PTH1R: variants seen among roughly 807,000 people sequenced by gnomAD.
PTH1R encodes the protein parathyroid hormone/parathyroid hormone-related peptide receptor.
In PTH1R, 32 loss-of-function variants were observed where a neutral mutation model predicts 70.7. The observed-to-expected ratio is 0.45, with a 90% CI of 0.34 to 0.61. The LOEUF is 0.61. Ranked by LOEUF, PTH1R falls within the 20% of genes least tolerant of loss-of-function variation. PTH1R has a pLI of 0.01. For synonymous variants in PTH1R, 329 were observed against 324.8 expected, an observed-to-expected ratio of 1.01 and a Z score of -0.14; for missense variants, 626 against 792.5, an observed-to-expected ratio of 0.79 and a Z score of 2.52.
At position 46,884,504 on chromosome 3, in the gene PTH1R, A is replaced by G. The variant is rs559752300; in HGVS notation, c.75+870A>G. Among the ~76,000 whole-genome samples the G allele has an allele frequency of 3.9e-5, 6 of 152,294 alleles. No homozygotes were observed. The East Asian group carries it at 1.2e-3, about 29-fold the overall frequency. ...CCTCCTGGGCCAGGGTCTGGGGCCC[A>G]CTTGCTGGGAAGGGGGCTGTCCCAG... On this transcript the variant is annotated intron_variant, in intron 3 of 15. Transcript: ENST00000449590. The surrounding 1 kb of genome is among the most constrained non-coding windows in gnomAD (Gnocchi z 4.8).
rs1215833399 is a variant in PTH1R at position 46,892,767 on chromosome 3, C to G, written c.76-1140C>G. On this transcript the variant is annotated intron_variant, in intron 3 of 15. Transcript: ENST00000449590. The surrounding 1 kb of genome is among the most constrained non-coding windows in gnomAD (Gnocchi z 5.2). Reference sequence around the variant, plus strand: ...GGGCCCCGGCCCCGCCTTGGCGCGTCTGAAGGATGCAGCTCTGCCGCGGAG... The same window carrying G: ...GGGCCCCGGCCCCGCCTTGGCGCGTGTGAAGGATGCAGCTCTGCCGCGGAG... The G allele has an allele frequency of 1.0e-6, 1 of 985,688 alleles. No individual in the cohort carries two copies. The highest frequency in any genetic ancestry group is 1.2e-6 in the Non-Finnish European group (1 of 830,192). The allele number at this position is 985,688 out of a possible 1,614,324, so 61.1% of individuals were successfully genotyped here.
At chr3:46,888,740 C>T (rs2031196931) in intron 3 of PTH1R, among the ~76,000 whole-genome samples, 1 of 152,230 alleles carries the variant, frequency 6.6e-6, no homozygotes, top group African/African-American at 2.4e-5. Context: ...TTAGGCCATA[C>T]TGTTCTTCTG....
rs1284189794 is a variant in PTH1R at position 46,901,549 on chromosome 3, CCT to C, written c.1116+70_1116+71del. On this transcript the variant is annotated intron_variant, in intron 12 of 15. Transcript: ENST00000449590. This position sits in a 1 kb window ranked among gnomAD's most constrained non-coding sequence, Gnocchi z 7.3. ...GCGCCTGCGTCCCCTGGAACCAGCC[CCT>C]GACAGGGACCTAGGAGGCTTCCCTG... 11 of 1,529,650 alleles carry C rather than the reference CCT, an allele frequency of 7.2e-6. No homozygotes were observed. The South Asian group carries it at 1.2e-4, about 17-fold the overall frequency. 94.8% of individuals were successfully genotyped at this position (1,529,650 alleles called of 1,614,324 possible). A position where few individuals can be genotyped will look rare whatever the true frequency, so the allele number is the denominator to read the frequency against.
At chr3:46,895,891 T>C (rs1203065806) in intron 5 of PTH1R, 22 bp downstream of exon 5, 28 of 1,610,090 alleles carry the variant, frequency 1.7e-5, no homozygotes, top group South Asian at 6.6e-5. Flanking sequence ...CTTCCATGCA[T>C]CCAGCTGGCA....
In PTH1R at chr3:46,896,096, AC is replaced by A. The variant is rs1261805444; in HGVS notation, c.313+228del. On this transcript the variant is annotated intron_variant, in intron 5 of 15. Coordinates refer to ENST00000449590, the MANE Select transcript of PTH1R (RefSeq NM_000316.3). This position sits in a 1 kb window ranked among gnomAD's most constrained non-coding sequence, Gnocchi z 4.1. ...GATGAACAGAGAACTCTCCAGCACC[AC>A]ACCAAGAGTGGACCCAGGGCTACGG... 6.6e-6 allele frequency among the ~76,000 whole-genome samples: 1 copy of A among 152,162 alleles called. No individual in the cohort carries two copies. The highest frequency in any genetic ancestry group is 1.5e-5 in the Non-Finnish European group (1 of 68,024).
chr3:46,897,620 A>G (rs2031825824), intron 5 of PTH1R, among the ~76,000 whole-genome samples: 1 of 152,108 alleles, frequency 6.6e-6, no homozygotes. Flanking sequence ...AATCCCAGCT[A>G]CTCGGGAGGC....
intron 5 of PTH1R, among the ~76,000 whole-genome samples, chr3:46,897,326 G>A (rs1213024558): frequency 1.3e-5 from 2 of 152,238 alleles, no homozygotes; most frequent in African/African-American, 2.4e-5. Context: ...GTATCGCAGA[G>A]GCCATAGTAA....
Position 46,902,689 on chromosome 3 carries a change from C to G in PTH1R, c.1353+22C>G. On this transcript the variant is annotated intron_variant, in intron 14 of 15. Coordinates refer to ENST00000449590, the MANE Select transcript of PTH1R (RefSeq NM_000316.3). The surrounding 1 kb of genome is among the most constrained non-coding windows in gnomAD (Gnocchi z 5.4). ...CCAGGTGCGCAGTGCTGGCCCGGGC[C>G]TGGCTGAGGGTGGGAGGGGTTCCGG... 1 of 1,613,734 alleles carries G rather than the reference C, an allele frequency of 6.2e-7. No individual in the cohort carries two copies.
Position 46,893,949 on chromosome 3 carries a change from C to T in PTH1R, c.118C>T (p.Leu40=). The T allele has an allele frequency of 1.2e-6, 2 of 1,614,170 alleles. No homozygotes were observed. The highest frequency in any genetic ancestry group is 1.7e-6 in the Non-Finnish European group (2 of 1,180,020). The change falls in exon 4 of 16, where the codon CTG becomes TTG. Residue 40 remains leucine (L), a synonymous_variant. Transcript: ENST00000449590. This position sits in a 1 kb window ranked among gnomAD's most constrained non-coding sequence, Gnocchi z 5.2. ...CATGACTAAAGAGGAACAGATCTTC[C>T]TGCTGCACCGTGCTCAGGCCCAGTG... ...DVMTKEEQIF[L]LHRAQAQCEK...
At chr3:46,886,780 C>T (rs552209141) in intron 3 of PTH1R, among the ~76,000 whole-genome samples, 25 of 152,308 alleles carry the variant, frequency 1.6e-4, no homozygotes, top group African/African-American at 5.8e-4. Context: ...GTGATTTCTA[C>T]GCTAAAGGGC....
rs201499146 is a variant in PTH1R, at chr3:46,898,391, G to T, written c.557G>T (p.Arg186Leu). The T allele has an allele frequency of 6.2e-7, 1 of 1,613,604 alleles. No individual in the cohort carries two copies. The highest frequency in any genetic ancestry group is 1.1e-5 in the South Asian group (1 of 91,040). ...CGCCCCGCACAGGAGGTGTTTGACC[G>T]CCTGGGCATGATTTACACCGTGGGC... ...NETREREVFD[R>L]LGMIYTVGYS... Residue 186 changes from arginine (R) to leucine (L), a missense_variant, in exon 8 of 16, where the codon CGC becomes CTC. By Grantham distance (102) the Arg-to-Leu change is moderately radical. This residue lies in a region of PTH1R where 495 missense variants were observed against 638.7 expected (regional missense o/e 0.77). Transcript: ENST00000449590.
chr3:46,894,627 C>T (rs924196316), intron 4 of PTH1R, among the ~76,000 whole-genome samples: 8 of 152,056 alleles, frequency 5.3e-5, no homozygotes, highest in Admixed American at 5.2e-4. Flanking sequence ...CACCATGGAG[C>T]CTCTCGCTTC....
chr3:46,889,967 G>A lies in PTH1R; in HGVS notation c.76-3940G>A, dbSNP rs117799199. ...GGGGAGAAGGGAGTAGCAGACAGGG[G>A]GCATGCCAGGCTGAGAAGAGATACA... On this transcript the variant is annotated intron_variant, in intron 3 of 15. Coordinates refer to ENST00000449590, the MANE Select transcript of PTH1R (RefSeq NM_000316.3). 6.6e-5 allele frequency among the ~76,000 whole-genome samples: 10 copies of A among 152,256 alleles called. 1 individual carries two copies. The East Asian group carries it at 1.7e-3, about 26-fold the overall frequency.
intron 9 of PTH1R, 66 bp from the exon 10 acceptor site, chr3:46,899,237 C>A: frequency 6.2e-7 from 1 of 1,608,050 alleles, no homozygotes; most frequent in Non-Finnish European, 8.5e-7. Context: ...GCCCCAGCCC[C>A]CCAGCCCAGC....
At chr3:46,900,642 CA>C (rs942385139) in intron 10 of PTH1R, among the ~76,000 whole-genome samples, 5 of 149,834 alleles carry the variant, frequency 3.3e-5, no homozygotes, top group Admixed American at 6.6e-5. Context: ...TGTGCTGGGG[CA>C]AAAAAAAATG....
In PTH1R at chr3:46,901,403, A is replaced by G. The variant is rs2032104956; in HGVS notation, c.1050-11A>G. On this transcript the variant is annotated splice_polypyrimidine_tract_variant and intron_variant, in intron 11 of 15. Transcript: ENST00000449590. The surrounding 1 kb of genome is among the most constrained non-coding windows in gnomAD (Gnocchi z 7.3). ...AGGAGGGATGGGAGCTAATGCCTCA[A>G]CCTCCCCCAGGTGCTGGGACTTGAG... 1.9e-6 allele frequency: 3 copies of G among 1,563,520 alleles called. No individual in the cohort carries two copies. Among genetic ancestry groups the G allele is most frequent in the South Asian group, 2.4e-5 (2 of 84,806 alleles).
At chr3:46,897,749 C>T in intron 5 of PTH1R, 106 bp from the exon 6 acceptor site, 1 of 1,114,166 alleles carries the variant, frequency 9.0e-7, no homozygotes, top group Non-Finnish European at 1.3e-6. Flanking sequence ...CAAAACAAAA[C>T]AAAAACAAAA....
intron 3 of PTH1R, among the ~76,000 whole-genome samples, chr3:46,888,662 G>A (rs2031191540): frequency 1.3e-5 from 2 of 152,236 alleles, no homozygotes; most frequent in South Asian, 2.1e-4. Context: ...CCCCAACTCT[G>A]GGGCCAGTCT....
intron 9 of PTH1R, 66 bp downstream of exon 9, chr3:46,898,923 C>G (rs2107041975): frequency 1.7e-6 from 2 of 1,167,182 alleles, no homozygotes; most frequent in East Asian, 5.7e-5. Flanking sequence ...CGCCCCGCCC[C>G]GCTCCAGCCC....
Sources: allele counts gnomAD v4.1 joint callset (sites outside exome capture counted in the v4.1 genomes callset), GRCh38; gene constraint gnomAD v4.1.1; regional missense constraint gnomAD v4.1.1; non-coding constraint Gnocchi (gnomAD v3.1); transcripts MANE v1.5; gene names NCBI Gene and HGNC (gene_info 2026-07-23, HGNC 2026-07-21).